Variants in HEMK2 observed in about 807,000 individuals in gnomAD.
HEMK2 encodes methyltransferase HEMK2.
the HEMK2 span, among the ~76,000 whole-genome samples, chr21:28,703,778 G>A: frequency 6.6e-6 from 1 of 152,122 alleles, no homozygotes; most frequent in Non-Finnish European, 1.5e-5. Context: ...TTTTATAGAA[G>A]TACATTCGTC....
chr21:28,588,746 G>A, the HEMK2 span, among the ~76,000 whole-genome samples: 4 of 152,142 alleles, frequency 2.6e-5, no homozygotes, highest in East Asian at 3.9e-4. Flanking sequence ...CGAGGAGGTC[G>A]GATCACGAGG....
At chr21:28,673,118 A>AG in the HEMK2 span, among the ~76,000 whole-genome samples, 6 of 150,100 alleles carry the variant, frequency 4.0e-5, no homozygotes, top group Non-Finnish European at 7.4e-5. Context: ...AAGGAAGCAA[A>AG]GAAGGAAGGA....
chr21:28,763,129 T>C, the HEMK2 span, among the ~76,000 whole-genome samples: 1 of 152,128 alleles, frequency 6.6e-6, no homozygotes, highest in Admixed American at 6.5e-5. Flanking sequence ...CCTTGCTATG[T>C]AGAGTAGTGC....
chr21:28,838,726 A>G, the HEMK2 span, among the ~76,000 whole-genome samples: 1 of 151,138 alleles, frequency 6.6e-6, no homozygotes, highest in African/African-American at 2.4e-5. Flanking sequence ...GATCACCTGA[A>G]GTCGGTAGTT....
At chr21:28,853,008 A>G in the HEMK2 span, among the ~76,000 whole-genome samples, 2 of 152,346 alleles carry the variant, frequency 1.3e-5, no homozygotes, top group Non-Finnish European at 2.9e-5. Flanking sequence ...TAAATTTTGC[A>G]GTTGAATGGC....
At chr21:28,632,297 A>G in the HEMK2 span, among the ~76,000 whole-genome samples, 95 of 152,362 alleles carry the variant, frequency 6.2e-4, no homozygotes, top group African/African-American at 2.1e-3. Context: ...TGTAGAAATC[A>G]GTGTGTCTTG....
chr21:28,865,710 T>G, the HEMK2 span, among the ~76,000 whole-genome samples: 1 of 152,086 alleles, frequency 6.6e-6, no homozygotes, highest in Non-Finnish European at 1.5e-5. Context: ...TTCCATGCAC[T>G]CTTCCCTCTG....
the HEMK2 span, among the ~76,000 whole-genome samples, chr21:28,804,885 A>G: frequency 2.0e-5 from 3 of 152,332 alleles, no homozygotes; most frequent in African/African-American, 7.2e-5. Context: ...GACACTTTGC[A>G]TACTGTTTGT....
At chr21:28,750,980 C>G in the HEMK2 span, among the ~76,000 whole-genome samples, 1 of 152,120 alleles carries the variant, frequency 6.6e-6, no homozygotes, top group African/African-American at 2.4e-5. Context: ...CCTGTAATCT[C>G]AGCACTTTGG....
chr21:28,690,135 T>C, the HEMK2 span, among the ~76,000 whole-genome samples: 5 of 152,114 alleles, frequency 3.3e-5, no homozygotes, highest in Non-Finnish European at 7.4e-5. Flanking sequence ...GAAAGACTTA[T>C]TCACTACCAT....
chr21:28,651,800 A>T, the HEMK2 span, among the ~76,000 whole-genome samples: 10 of 152,230 alleles, frequency 6.6e-5, no homozygotes, highest in Admixed American at 6.5e-4. Context: ...ATTATTTTGC[A>T]AAAGAGAAAA....
the HEMK2 span, among the ~76,000 whole-genome samples, chr21:28,811,594 G>A: frequency 2.6e-5 from 4 of 152,122 alleles, no homozygotes; most frequent in Non-Finnish European, 4.4e-5. Context: ...AGAATCCACA[G>A]AGCAGATAGA....
At chr21:28,665,409 G>C in the HEMK2 span, among the ~76,000 whole-genome samples, 6,359 of 18,114 alleles carry the variant, frequency 0.35, 816 homozygotes, top group Middle Eastern at 0.5. Context: ...TTTTATTATA[G>C]TCTAAGTTTT....
chr21:28,741,349 T>C, the HEMK2 span, among the ~76,000 whole-genome samples: 2 of 152,244 alleles, frequency 1.3e-5, no homozygotes, highest in Non-Finnish European at 2.9e-5. Flanking sequence ...AGAAAATGTG[T>C]GTATTAGGCA....
chr21:28,826,170 C>T, the HEMK2 span, among the ~76,000 whole-genome samples: 2 of 152,184 alleles, frequency 1.3e-5, no homozygotes, highest in African/African-American at 4.8e-5. Context: ...CCAGACACCC[C>T]GTAGATGGAA....
At chr21:28,742,524 A>G in the HEMK2 span, among the ~76,000 whole-genome samples, 1 of 152,224 alleles carries the variant, frequency 6.6e-6, no homozygotes, top group African/African-American at 2.4e-5. Flanking sequence ...TGATGCACTT[A>G]TCCAAAGACT....
the HEMK2 span, among the ~76,000 whole-genome samples, chr21:28,783,291 TCTC>T: frequency 6.6e-6 from 1 of 152,032 alleles, no homozygotes; most frequent in African/African-American, 2.4e-5. Context: ...TTCAAGCAAT[TCTC>T]CTGCCTCAGC....
At chr21:28,841,406 A>ATATATAAAATATTATATATAT in the HEMK2 span, among the ~76,000 whole-genome samples, 1 of 34,468 alleles carries the variant, frequency 2.9e-5, no homozygotes, top group Non-Finnish European at 4.2e-5. Flanking sequence ...TATATATATA[A>ATATATAAAATATTATATATAT]TATATATATT....
the HEMK2 span, among the ~76,000 whole-genome samples, chr21:28,608,844 G>C: frequency 6.6e-6 from 1 of 151,968 alleles, no homozygotes; most frequent in Non-Finnish European, 1.5e-5. Context: ...TCATCCCCCG[G>C]GAAACATAAT....
Sources: gnomAD v4.1 joint callset for allele counts (sites outside exome capture counted in the v4.1 genomes callset) on GRCh38, gnomAD v4.1.1 for gene constraint, MANE v1.5 for transcripts, NCBI Gene and HGNC (gene_info 2026-07-23, HGNC 2026-07-21) for gene names.